The following GPHN variants were observed in gnomAD, a reference collection of about 807,000 sequenced individuals.
The protein encoded by GPHN is gephyrin.
A neutral mutation model predicts 95.5 loss-of-function variants in GPHN; 17 were observed. The ratio of observed to expected loss-of-function variants is 0.18; its 90% CI spans 0.12 to 0.27. The LOEUF (loss-of-function observed/expected upper bound fraction) is 0.27. GPHN is among the 10% of genes least tolerant of loss of function. GPHN has a pLI of 1.00. For missense variants in GPHN, 660 were observed against 978.1 expected, an observed-to-expected ratio of 0.67 and a Z score of 4.34; for synonymous variants, 320 against 322.5, an observed-to-expected ratio of 0.99 and a Z score of 0.08.
chr14:67,225,719 C>A, the GPHN span, among the ~76,000 whole-genome samples: 6 of 152,142 alleles, frequency 3.9e-5, no homozygotes, highest in Non-Finnish European at 5.9e-5. Flanking sequence ...AGTTTATGTG[C>A]AATTCATAAT....
At chr14:66,526,914 A>G (rs2058714077) in intron 1 of GPHN, among the ~76,000 whole-genome samples, 1 of 152,218 alleles carries the variant, frequency 6.6e-6, no homozygotes, top group Admixed American at 6.5e-5. Flanking sequence ...GATGTTCATC[A>G]GGGATATTGG....
At chr14:66,546,442 T>C (rs28452912) in intron 1 of GPHN, among the ~76,000 whole-genome samples, 47,413 of 151,498 alleles carry the variant, frequency 0.31, 11,348 homozygotes, top group African/African-American at 0.65. Flanking sequence ...GAGGTTGTAG[T>C]GAGCCGAGAT....
At chr14:67,161,610 A>T (rs1011449038) in intron 19 of GPHN, among the ~76,000 whole-genome samples, 7 of 152,148 alleles carry the variant, frequency 4.6e-5, no homozygotes, top group African/African-American at 1.4e-4. Flanking sequence ...AAAATACAAA[A>T]ATTAGTCAGG....
At chr14:66,918,895 G>A (rs973506247) in intron 6 of GPHN, among the ~76,000 whole-genome samples, 5 of 152,046 alleles carry the variant, frequency 3.3e-5, no homozygotes, top group African/African-American at 1.2e-4. Flanking sequence ...CCGATATTAT[G>A]TAACCCTCCA....
rs181732343 is a variant in GPHN, at chr14:66,945,095, A to G, written c.829-20096A>G. On this transcript the variant is annotated intron_variant, in intron 8 of 22. Transcript: ENST00000478722. ...ATGTTGGGCGCCAAAAATGTTGTAGAAAAAAAACACGTTCTTGTTACACAA... is the reference window on the plus strand; with the variant it reads ...ATGTTGGGCGCCAAAAATGTTGTAGGAAAAAAACACGTTCTTGTTACACAA... 5.6e-3 allele frequency among the ~76,000 whole-genome samples: 845 copies of G among 152,198 alleles called. 10 individuals are homozygous for G. The highest frequency in any genetic ancestry group is 0.019 in the African/African-American group (788 of 41,524).
the GPHN span, chr14:67,593,753 G>T: frequency 1.1e-5 from 17 of 1,602,144 alleles, no homozygotes; most frequent in Admixed American, 6.7e-5. Flanking sequence ...CATGTAAATG[G>T]CCTCATTGAT....
chr14:67,268,635 C>T, the GPHN span, among the ~76,000 whole-genome samples: 2 of 152,196 alleles, frequency 1.3e-5, no homozygotes, highest in African/African-American at 2.4e-5. Flanking sequence ...TAAACTGTCA[C>T]GGCACTGGCA....
chr14:67,584,189 C>T, the GPHN span: 2 of 1,548,750 alleles, frequency 1.3e-6, no homozygotes, highest in Admixed American at 1.7e-5. Flanking sequence ...ATGTTTGAGC[C>T]ATACCAATTT....
At chr14:67,552,181 C>A in the GPHN span, among the ~76,000 whole-genome samples, 2 of 152,318 alleles carry the variant, frequency 1.3e-5, no homozygotes, top group Non-Finnish European at 2.9e-5. Flanking sequence ...TGTCAGCCAC[C>A]TAAACCTGAC....
At chr14:66,640,273 T>C (rs556453136) in intron 1 of GPHN, among the ~76,000 whole-genome samples, 10 of 152,120 alleles carry the variant, frequency 6.6e-5, no homozygotes, top group African/African-American at 2.4e-4. Flanking sequence ...ATACAAAAAA[T>C]TGGCTGGGCG....
the GPHN span, among the ~76,000 whole-genome samples, chr14:67,489,550 A>T: frequency 4.6e-5 from 7 of 152,192 alleles, no homozygotes; most frequent in East Asian, 1.2e-3. Context: ...CCTCCTCTGC[A>T]GCCACCATTC....
intron 8 of GPHN, among the ~76,000 whole-genome samples, chr14:66,924,926 T>G (rs74056522): frequency 6.4e-4 from 97 of 152,028 alleles, no homozygotes; most frequent in African/African-American, 2.2e-3. Flanking sequence ...TAAACAGTGA[T>G]AATTTAGACA....
intron 9 of GPHN, among the ~76,000 whole-genome samples, 161 bp downstream of exon 9, chr14:66,965,486 G>A (rs2069259145): frequency 1.3e-5 from 2 of 152,146 alleles, no homozygotes; most frequent in Non-Finnish European, 2.9e-5. Flanking sequence ...GTCACAAATT[G>A]TCATATTAGG....
the GPHN span, among the ~76,000 whole-genome samples, chr14:67,552,659 C>A: frequency 2.7e-4 from 41 of 151,792 alleles, no homozygotes; most frequent in African/African-American, 9.4e-4. Context: ...CCCAGCTACT[C>A]GGGAGGCTAA....
the GPHN span, among the ~76,000 whole-genome samples, chr14:67,655,246 G>A: frequency 6.6e-6 from 1 of 151,926 alleles, no homozygotes; most frequent in Non-Finnish European, 1.5e-5. Context: ...AGGATCACTT[G>A]AGCCCAGGAG....
At chr14:67,456,167 G>A in the GPHN span, among the ~76,000 whole-genome samples, 1 of 152,016 alleles carries the variant, frequency 6.6e-6, no homozygotes, top group East Asian at 1.9e-4. Context: ...GACATGAAGA[G>A]ACACTTCTCA....
the GPHN span, among the ~76,000 whole-genome samples, chr14:67,484,081 G>A: frequency 8.6e-4 from 131 of 152,306 alleles, no homozygotes; most frequent in African/African-American, 3.1e-3. Context: ...ATATCTCAGG[G>A]ACTTTTGATC....
chr14:66,565,292 C>CTGTG (rs3031748), intron 1 of GPHN, among the ~76,000 whole-genome samples: 5 of 149,988 alleles, frequency 3.3e-5, no homozygotes, highest in East Asian at 2.0e-4. Context: ...TGTCCCCTAT[C>CTGTG]TGTGTGTGTG....
At chr14:67,429,971 A>G in the GPHN span, among the ~76,000 whole-genome samples, 3 of 152,182 alleles carry the variant, frequency 2.0e-5, no homozygotes, top group African/African-American at 7.2e-5. Context: ...CTTCCTCAAG[A>G]TCACGTGGCT....
Sources: allele counts gnomAD v4.1 joint callset (sites outside exome capture counted in the v4.1 genomes callset), GRCh38; gene constraint gnomAD v4.1.1; transcripts MANE v1.5; gene names NCBI Gene and HGNC (gene_info 2026-07-23, HGNC 2026-07-21).